Variants in TNRC18 observed in about 807,000 individuals in gnomAD.
TNRC18 encodes the protein trinucleotide repeat containing 18.
Under a neutral mutation model 226.7 loss-of-function variants are expected in TNRC18, and 69 were observed. The ratio of observed to expected loss-of-function variants is 0.30; its 90% CI spans 0.25 to 0.37. The LOEUF (loss-of-function observed/expected upper bound fraction) is 0.37, where lower values mean the gene tolerates loss of function less well. TNRC18 is among the 10% of genes least tolerant of loss of function. TNRC18 has a pLI of 1.00. For synonymous variants in TNRC18, 2,449 were observed against 1,927.6 expected (o/e 1.27, Z -7.09); for missense variants, 4,754 against 4,256.6 (o/e 1.12, Z -3.25).
intron 2 of TNRC18, among the ~76,000 whole-genome samples, chr7:5,409,679 T>C (rs1236641429): frequency 6.6e-6 from 1 of 151,670 alleles, no homozygotes; most frequent in South Asian, 2.1e-4. Context: ...CTGCAAGATA[T>C]AGAAAATACA....
chr7:5,320,093 G>C, intron 24 of TNRC18: 3 of 535,898 alleles, frequency 5.6e-6, no homozygotes, highest in Non-Finnish European at 1.0e-5. Context: ...CTAGTGTGAA[G>C]CCAGCACAGA....
In TNRC18 at chr7:5,306,897, T is replaced by TC. The variant is rs1374339779; in HGVS notation, c.*1208dup. 1 of 148,596 alleles carries TC rather than the reference T, an allele frequency of 6.7e-6. No homozygotes were observed. The highest frequency in any genetic ancestry group is 6.6e-5 in the Admixed American group (1 of 15,138). The allele number at this position is 148,596 out of a possible 1,614,324, so 9.2% of individuals were successfully genotyped here. On this transcript the variant is annotated 3_prime_UTR_variant, in exon 30 of 30. Coordinates refer to ENST00000430969, the MANE Select transcript of TNRC18 (RefSeq NM_001080495.3). ...AAACATAAAAAAAAAAACCAATAAT[T>TC]CCCCCAAAAAACAAACCCAAAGTCT...
At chr7:5,330,146 G>T (rs985230162) in intron 19 of TNRC18, among the ~76,000 whole-genome samples, 1 of 152,112 alleles carries the variant, frequency 6.6e-6, no homozygotes, top group Non-Finnish European at 1.5e-5. Context: ...TGACCAGGCT[G>T]GTCTTGAACT....
At chr7:5,355,920 C>T (rs562519102) in intron 16 of TNRC18, among the ~76,000 whole-genome samples, 8 of 152,256 alleles carry the variant, frequency 5.3e-5, no homozygotes, top group South Asian at 4.1e-4. Flanking sequence ...AATCCCAGCA[C>T]TTTGCAGGCC....
intron 21 of TNRC18, among the ~76,000 whole-genome samples, chr7:5,323,973 C>T (rs1336283589): frequency 6.6e-6 from 1 of 152,240 alleles, no homozygotes; most frequent in Non-Finnish European, 1.5e-5. Flanking sequence ...TTCCCAAGCC[C>T]CGCAGGACCT....
chr7:5,342,255 C>G (rs1415710539), intron 18 of TNRC18, among the ~76,000 whole-genome samples: 1 of 151,996 alleles, frequency 6.6e-6, no homozygotes, highest in Middle Eastern at 3.2e-3. Flanking sequence ...ATGGCGAAAC[C>G]CTGTCTCTAC....
intron 10 of TNRC18, among the ~76,000 whole-genome samples, chr7:5,373,460 G>GGAGA (rs1254479819): frequency 6.6e-6 from 1 of 152,202 alleles, no homozygotes; most frequent in Non-Finnish European, 1.5e-5. Flanking sequence ...AACTGACAAA[G>GGAGA]GAGAGACAGG....
rs1791585620 is a variant in TNRC18, at chr7:5,349,741, AG to A, written c.5470+2077del. Among the ~76,000 whole-genome samples the A allele has an allele frequency of 2.0e-5, 3 of 152,200 alleles. No individual in the cohort carries two copies. In the South Asian group the frequency reaches 6.2e-4, roughly 31 times the overall value. On this transcript the variant is annotated intron_variant, in intron 17 of 29. Transcript: ENST00000430969. ...AACAGACATTCAAAGCGTCATGGGG[AG>A]GGGTCAAGGGTGGAGGGATGGTCGG...
chr7:5,383,957 ATTTTTTT>A (rs765430615), intron 5 of TNRC18, among the ~76,000 whole-genome samples: 7 of 78,792 alleles, frequency 8.9e-5, no homozygotes, highest in African/African-American at 2.7e-4. Flanking sequence ...TACCCGGGTG[ATTTTTTT>A]TTTTTTTTTT....
At chr7:5,413,909 C>T (rs980920956) in intron 2 of TNRC18, among the ~76,000 whole-genome samples, 5 of 152,236 alleles carry the variant, frequency 3.3e-5, no homozygotes, top group African/African-American at 1.2e-4. Flanking sequence ...AATGAATGGT[C>T]CTATGACCTT....
At chr7:5,371,397 C>T (rs951425698) in intron 10 of TNRC18, 33 bp from the exon 11 acceptor site, 11 of 1,484,832 alleles carry the variant, frequency 7.4e-6, no homozygotes, top group Non-Finnish European at 8.9e-6. Context: ...CATGGGAGCC[C>T]TAGGATCTGA....
chr7:5,408,977 A>G (rs918856546), intron 2 of TNRC18, among the ~76,000 whole-genome samples: 1 of 152,182 alleles, frequency 6.6e-6, no homozygotes, highest in African/African-American at 2.4e-5. Flanking sequence ...CAACCTTAAC[A>G]TGCACACTCA....
At position 5,416,848 on chromosome 7, in the gene TNRC18, A is replaced by AGGCATGGT. The variant is rs547190016; in HGVS notation, c.187+4204_187+4211dup. Among the ~76,000 whole-genome samples the AGGCATGGT allele has an allele frequency of 1.6e-3, 243 of 152,164 alleles. 1 individual carries two copies. The highest frequency in any genetic ancestry group is 5.7e-3 in the African/African-American group (235 of 41,518). On this transcript the variant is annotated intron_variant, in intron 2 of 29. Transcript: ENST00000430969. The stretch of plus-strand genomic sequence containing the variant: ...TCTATAGAAAATTTTAAAATTAGCC[A>AGGCATGGT]GGCATGGTGGTACATACCTGTAGTC...
chr7:5,351,762 C>T lies in TNRC18; in HGVS notation c.5470+57G>A, dbSNP rs773654282. On this transcript the variant is annotated intron_variant, in intron 17 of 29. Transcript: ENST00000430969. ...CCCACTCGCTTCCCTCTCGCTCACT[C>T]GCACGCACTCTCTCGCTAGGAAACA... 29 of 1,497,152 alleles carry T rather than the reference C, an allele frequency of 1.9e-5. No individual in the cohort carries two copies. The African/African-American group carries it at 2.5e-4, about 13-fold the overall frequency. The allele number at this position is 1,497,152 out of a possible 1,614,324, so 92.7% of individuals were successfully genotyped here. A position where few individuals can be genotyped will look rare whatever the true frequency, so the allele number is the denominator to read the frequency against.
In TNRC18 at chr7:5,309,319, A is replaced by G; in HGVS notation, c.8438T>C (p.Val2813Ala). The G allele has an allele frequency of 6.2e-7, 1 of 1,613,884 alleles. No homozygotes were observed. The highest frequency in any genetic ancestry group is 2.2e-5 in the East Asian group (1 of 44,880). Reference protein sequence around the residue: ...KARKLFYKAIVRGKEMIRIGD... With the variant: ...KARKLFYKAIARGKEMIRIGD... ...GATACGGATCATCTCCTTGCCGCGC[A>G]CGATGGCCTTGTAGAAGAGCTTGCG... Residue 2813 changes from valine (V) to alanine (A), a missense_variant, in exon 28 of 30, where the codon GTG becomes GCG. Coordinates refer to ENST00000430969, the MANE Select transcript of TNRC18 (RefSeq NM_001080495.3). The surrounding 1 kb of genome is among the most constrained non-coding windows in gnomAD (Gnocchi z 5.7).
chr7:5,313,299 G>T lies in TNRC18; in HGVS notation c.7592C>A (p.Pro2531Gln). 1 of 1,548,518 alleles carries T rather than the reference G, an allele frequency of 6.5e-7. No individual in the cohort carries two copies. Among genetic ancestry groups the T allele is most frequent in the Non-Finnish European group, 8.7e-7 (1 of 1,146,674 alleles). Reference sequence around the variant, plus strand: ...CCCAGAGTCCTCGAACGTGAGCCCCGGCCCGGGCTCCTGGGCGAGGTCCCC... The same window carrying T: ...CCCAGAGTCCTCGAACGTGAGCCCCTGCCCGGGCTCCTGGGCGAGGTCCCC... The part of the protein sequence containing the change: ...TDGDLAQEPG[P>Q]GLTFEDSGNP... Residue 2531 changes from proline (P) to glutamine (Q), a missense_variant, in exon 27 of 30, where the codon CCG (proline) becomes CAG (glutamine). By Grantham distance (76) the Pro-to-Gln change is moderately conservative. Transcript: ENST00000430969.
intron 2 of TNRC18, among the ~76,000 whole-genome samples, chr7:5,419,519 A>G (rs1401678340): frequency 1.3e-5 from 2 of 152,242 alleles, no homozygotes; most frequent in Admixed American, 6.5e-5. Context: ...GGGACAGCTC[A>G]GATGGTCTCT....
intron 17 of TNRC18, among the ~76,000 whole-genome samples, chr7:5,346,151 C>G (rs544401810): frequency 4.6e-5 from 7 of 152,374 alleles, no homozygotes; most frequent in Non-Finnish European, 8.8e-5. Flanking sequence ...TCTCCACAGT[C>G]ACACGCGCAC....
intron 2 of TNRC18, among the ~76,000 whole-genome samples, chr7:5,398,173 A>ATT (rs1288938002): frequency 1.3e-5 from 2 of 149,656 alleles, no homozygotes; most frequent in African/African-American, 2.4e-5. Context: ...GCAAAAAAAA[A>ATT]TTTTTTTTTT....
Sources: gnomAD v4.1 joint callset for allele counts (sites outside exome capture counted in the v4.1 genomes callset) on GRCh38, gnomAD v4.1.1 for gene constraint, Gnocchi (gnomAD v3.1) non-coding constraint, MANE v1.5 for transcripts, NCBI Gene and HGNC (gene_info 2026-07-23, HGNC 2026-07-21) for gene names.